SLC2A9: variants seen among roughly 807,000 people sequenced by gnomAD.
SLC2A9 encodes solute carrier family 2 member 9.
Under a neutral mutation model 50.6 loss-of-function variants are expected in SLC2A9, and 39 were observed. The observed-to-expected ratio is 0.77, with a 90% CI of 0.60 to 1.01. SLC2A9 has a LOEUF of 1.01. Ranked by LOEUF, SLC2A9 falls within the 50% of genes least tolerant of loss-of-function variation. The pLI is 0.00. For synonymous variants in SLC2A9, 324 were observed against 276.9 expected (o/e 1.17, Z -1.69); for missense variants, 686 against 677.6 (o/e 1.01, Z -0.14).
At chr4:9,875,745 C>T (rs1734216203) in intron 10 of SLC2A9, among the ~76,000 whole-genome samples, 1 of 152,194 alleles carries the variant, frequency 6.6e-6, no homozygotes, top group Non-Finnish European at 1.5e-5. Flanking sequence ...GTGACAAAGC[C>T]AATGACTACT....
At chr4:9,778,857 T>A (rs539439133), downstream of SLC2A9, among the ~76,000 whole-genome samples, 5 of 152,298 alleles carry the variant, frequency 3.3e-5, no homozygotes, top group Admixed American at 2.0e-4. Context: ...TCTCACTCTG[T>A]CACCCAGGCT....
chr4:10,010,927 G>A lies in SLC2A9; in HGVS notation c.249+8048C>T, dbSNP rs73805485. Among the ~76,000 whole-genome samples the A allele has an allele frequency of 6.3e-3, 960 of 152,160 alleles. 9 individuals are homozygous for A. Among genetic ancestry groups the A allele is most frequent in the African/African-American group, 0.021 (892 of 41,504 alleles). ...TCTTAATGTCCATCCCCCAGTGGTC[G>A]TTCTGCCTAGGCTGACTGTTCTCTT... is the stretch of plus-strand genomic sequence containing the variant. On this transcript the variant is annotated intron_variant, in intron 2 of 11. Transcript: ENST00000264784.
chr4:9,834,646 T>C (rs1187989897), intron 11 of SLC2A9, among the ~76,000 whole-genome samples: 1 of 152,158 alleles, frequency 6.6e-6, no homozygotes, highest in African/African-American at 2.4e-5. Context: ...CCGTCAGCAA[T>C]GGGTAGCCCA....
At chr4:9,871,675 C>A (rs1733461238) in intron 10 of SLC2A9, among the ~76,000 whole-genome samples, 1 of 152,158 alleles carries the variant, frequency 6.6e-6, no homozygotes, top group Admixed American at 6.5e-5. Flanking sequence ...TATTTCTAAC[C>A]AAGGTCACAT....
At chr4:9,966,299 T>C (rs1753043599) in intron 5 of SLC2A9, among the ~76,000 whole-genome samples, 1 of 152,206 alleles carries the variant, frequency 6.6e-6, no homozygotes, top group African/African-American at 2.4e-5. Flanking sequence ...ATTACAGATT[T>C]GAATAATGAT....
intron 5 of SLC2A9, among the ~76,000 whole-genome samples, chr4:9,972,830 T>C (rs2109020982): frequency 6.6e-6 from 1 of 152,300 alleles, no homozygotes; most frequent in South Asian, 2.1e-4. Flanking sequence ...GCTAAATGCC[T>C]ACCTCAAAAA....
chr4:9,854,374 C>T (rs1349359334), intron 10 of SLC2A9, among the ~76,000 whole-genome samples: 1 of 151,980 alleles, frequency 6.6e-6, no homozygotes, highest in African/African-American at 2.4e-5. Flanking sequence ...CTGATAAATT[C>T]CTGGAAATAT....
At chr4:9,913,324 TGTGTGTGA>T (rs1162147634) in intron 7 of SLC2A9, among the ~76,000 whole-genome samples, 54 of 129,526 alleles carry the variant, frequency 4.2e-4, no homozygotes, top group African/African-American at 1.6e-3. Context: ...TGTGTGTGTG[TGTGTGTGA>T]GAGAGAGAGA....
chr4:9,989,712 T>G (rs1757351898), intron 3 of SLC2A9, among the ~76,000 whole-genome samples: 1 of 152,062 alleles, frequency 6.6e-6, no homozygotes, highest in Non-Finnish European at 1.5e-5. Context: ...TGACTTCCCA[T>G]TTTGCTCAGA....
chr4:9,997,154 C>T (rs927854567), intron 2 of SLC2A9, among the ~76,000 whole-genome samples: 5 of 149,044 alleles, frequency 3.4e-5, no homozygotes, highest in African/African-American at 1.3e-4. Context: ...CATTTTTTTT[C>T]TTTTATGGCT....
At chr4:9,905,387 G>C (rs1300257155) in intron 8 of SLC2A9, among the ~76,000 whole-genome samples, 2 of 152,260 alleles carry the variant, frequency 1.3e-5, no homozygotes, top group South Asian at 2.1e-4. Flanking sequence ...CTGACCATGG[G>C]AGGAGCTGGC....
rs1028301628 is a variant in SLC2A9, at chr4:9,980,723, C to T, written c.550G>A (p.Val184Met). 1 of 1,614,190 alleles carries T rather than the reference C, an allele frequency of 6.2e-7. No individual in the cohort carries two copies. The highest frequency in any genetic ancestry group is 8.5e-7 in the Non-Finnish European group (1 of 1,180,020). The change falls in exon 5 of 12, where the codon GTG (valine) becomes ATG (methionine). Residue 184 changes from valine (V) to methionine (M), a missense_variant. Val to Met is a conservative substitution (Grantham distance 21). Transcript: ENST00000264784. ...ATCTCACTAAGGTACATGGGGAGCACACTGAGGGCGACGCCTGTAGAGAGA... is the reference window on the plus strand; with the variant it reads ...ATCTCACTAAGGTACATGGGGAGCATACTGAGGGCGACGCCTGTAGAGAGA... ...MGIDGGVALS[V>M]LPMYLSEISP...
intron 6 of SLC2A9, among the ~76,000 whole-genome samples, chr4:9,929,845 G>C (rs1745589859): frequency 6.6e-6 from 1 of 152,140 alleles, no homozygotes; most frequent in South Asian, 2.1e-4. Flanking sequence ...CAGTCCTGGA[G>C]GCCAGAAGTT....
At chr4:9,897,738 A>G (rs1738828091) in intron 8 of SLC2A9, among the ~76,000 whole-genome samples, 1 of 152,060 alleles carries the variant, frequency 6.6e-6, no homozygotes, top group Non-Finnish European at 1.5e-5. Flanking sequence ...AAAAATACAA[A>G]AAGTAGCCAG....
intron 1 of SLC2A9, chr4:10,035,467 C>T (rs1764069958): frequency 6.6e-6 from 1 of 152,246 alleles, no homozygotes; most frequent in Non-Finnish European, 1.5e-5. Flanking sequence ...TGAACGATTC[C>T]AGACTTCACC....
intron 5 of SLC2A9, among the ~76,000 whole-genome samples, chr4:9,953,701 C>A (rs1360320310): frequency 6.6e-6 from 1 of 152,202 alleles, no homozygotes. Context: ...TGGCTCACTG[C>A]AGCCTTGACT....
chr4:9,993,892 C>A (rs1250745568), intron 3 of SLC2A9, among the ~76,000 whole-genome samples: 1 of 152,234 alleles, frequency 6.6e-6, no homozygotes, highest in Non-Finnish European at 1.5e-5. Flanking sequence ...ACCGAAATCA[C>A]AAACGAGCTC....
intron 3 of SLC2A9, among the ~76,000 whole-genome samples, chr4:9,785,921 T>C (rs1213017745): frequency 1.3e-5 from 2 of 152,166 alleles, no homozygotes; most frequent in Non-Finnish European, 2.9e-5. Context: ...GTTTTATTTA[T>C]GGTGGTCAGG....
chr4:9,843,377 G>T (rs1728411380), intron 10 of SLC2A9, among the ~76,000 whole-genome samples: 1 of 152,176 alleles, frequency 6.6e-6, no homozygotes, highest in Admixed American at 6.5e-5. Flanking sequence ...AGTTTCAGGA[G>T]TTGGGGTATA....
Sources: allele counts gnomAD v4.1 joint callset (sites outside exome capture counted in the v4.1 genomes callset), GRCh38; gene constraint gnomAD v4.1.1; transcripts MANE v1.5; gene names NCBI Gene and HGNC (gene_info 2026-07-23, HGNC 2026-07-21).